The following LRRC17 variants were observed in gnomAD, a reference collection of about 807,000 sequenced individuals.
The protein encoded by LRRC17 is leucine-rich repeat-containing protein 17.
In LRRC17, 33 loss-of-function variants were observed where a neutral mutation model predicts 41.5. The observed-to-expected ratio is 0.80, with a 90% confidence interval of 0.60 to 1.06. LRRC17 has a LOEUF of 1.06. LRRC17 is among the 50% of genes least tolerant of loss of function. The pLI is 0.00. For missense variants in LRRC17, 491 were observed against 519.3 expected (o/e 0.95, Z 0.53); for synonymous variants, 192 against 197.0 (o/e 0.97, Z 0.21).
chr7:102,938,284 A>G (rs1300999525), intron 2 of LRRC17, among the ~76,000 whole-genome samples: 1 of 152,196 alleles, frequency 6.6e-6, no homozygotes, highest in Non-Finnish European at 1.5e-5. Context: ...TACGCAGGTA[A>G]ATTACCCTTA....
chr7:102,920,596 C>T (rs1208986118), intron 1 of LRRC17, among the ~76,000 whole-genome samples: 1 of 152,084 alleles, frequency 6.6e-6, no homozygotes, highest in Non-Finnish European at 1.5e-5. Context: ...AGTAGTCCGC[C>T]CACTTCAGCC....
chr7:102,940,426 G>A (rs1821200279), intron 3 of LRRC17, among the ~76,000 whole-genome samples: 1 of 148,892 alleles, frequency 6.7e-6, no homozygotes, highest in Non-Finnish European at 1.5e-5. Context: ...TAGCCAGGAT[G>A]GTCTCTATCT....
chr7:102,926,340 G>C, intron 1 of LRRC17: 8 of 1,613,816 alleles, frequency 5.0e-6, no homozygotes, highest in Non-Finnish European at 6.8e-6. Context: ...CAGGACCCCC[G>C]GGCAGCCCTC....
intron 1 of LRRC17, among the ~76,000 whole-genome samples, chr7:102,925,883 A>G (rs1818021064): frequency 6.7e-6 from 1 of 150,060 alleles, no homozygotes; most frequent in Non-Finnish European, 1.5e-5. Flanking sequence ...GTAGGTTGCC[A>G]TGAGCTAAGA....
At position 102,934,589 on chromosome 7, in the gene LRRC17, G is replaced by A. The variant is rs746338531; in HGVS notation, c.676G>A (p.Val226Met). The A allele has an allele frequency of 6.2e-7, 1 of 1,614,086 alleles. No individual in the cohort carries two copies. The highest frequency in any genetic ancestry group is 8.5e-7 in the Non-Finnish European group (1 of 1,179,970). ...EKEQLDPKPQ[V>M]SGRPPVIKPE... ...GGAACAATTGGACCCGAAACCCCAA[G>A]TGTCAGGGAGACCCCCAGTCATCAA... Residue 226 changes from valine (V) to methionine (M), a missense_variant, in exon 2 of 4, where the codon GTG (valine) becomes ATG (methionine). Coordinates refer to ENST00000339431, the MANE Select transcript of LRRC17 (RefSeq NM_001031692.3).
chr7:102,922,425 G>C (rs1817230895), intron 1 of LRRC17, among the ~76,000 whole-genome samples: 1 of 151,772 alleles, frequency 6.6e-6, no homozygotes, highest in Non-Finnish European at 1.5e-5. Context: ...TTTAATTATT[G>C]GTTTACTGAT....
At chr7:102,931,777 A>C in intron 1 of LRRC17, 1 of 1,095,006 alleles carries the variant, frequency 9.1e-7, no homozygotes, top group Non-Finnish European at 1.3e-6. Context: ...TCTTTTCCAC[A>C]TTGAATCCCA....
intron 3 of LRRC17, among the ~76,000 whole-genome samples, chr7:102,941,397 A>G (rs745864270): frequency 2.0e-5 from 3 of 152,120 alleles, no homozygotes; most frequent in Non-Finnish European, 4.4e-5. Context: ...AACCTGACCA[A>G]TCAGCACTCC....
intron 1 of LRRC17, among the ~76,000 whole-genome samples, chr7:102,927,305 ATCAG>A (rs1328291054): frequency 2.6e-5 from 4 of 152,334 alleles, no homozygotes; most frequent in African/African-American, 9.6e-5. Flanking sequence ...TTGACGCTAC[ATCAG>A]TCCCAGAAAG....
intron 1 of LRRC17, among the ~76,000 whole-genome samples, chr7:102,923,697 G>A (rs970028626): frequency 6.6e-6 from 1 of 151,976 alleles, no homozygotes; most frequent in African/African-American, 2.4e-5. Context: ...GGTGGCGGGC[G>A]CCTGTAATCC....
At chr7:102,930,159 C>T (rs1818905008) in intron 1 of LRRC17, among the ~76,000 whole-genome samples, 1 of 152,000 alleles carries the variant, frequency 6.6e-6, no homozygotes, top group Non-Finnish European at 1.5e-5. Context: ...AAAGAAAAAA[C>T]TAGAAAGATG....
intron 1 of LRRC17, among the ~76,000 whole-genome samples, chr7:102,916,567 G>C (rs1377641443): frequency 6.6e-6 from 1 of 152,154 alleles, no homozygotes; most frequent in Non-Finnish European, 1.5e-5. Context: ...AGCTGCTAGG[G>C]ACGGGAAAAG....
rs765823015 is a variant in LRRC17 at position 102,934,017 on chromosome 7, C to T, written c.104C>T (p.Ala35Val). ...SVRSRVNHGRAGGGRRGSNPV... is the reference protein window; with the variant it reads ...SVRSRVNHGRVGGGRRGSNPV... ...AGAAGCCGAGTGAATCATGGCCGGG[C>T]GGGTGGAGGCCGGAGAGGCTCCAAC... Residue 35 changes from alanine (A) to valine (V), a missense_variant, in exon 2 of 4, where the codon GCG (alanine) becomes GTG (valine). Coordinates refer to ENST00000339431, the MANE Select transcript of LRRC17 (RefSeq NM_001031692.3). 27 of 1,614,026 alleles carry T rather than the reference C, an allele frequency of 1.7e-5. No individual in the cohort carries two copies. Among genetic ancestry groups the T allele is most frequent in the South Asian group, 8.8e-5 (8 of 91,072 alleles).
intron 1 of LRRC17, among the ~76,000 whole-genome samples, chr7:102,927,326 C>A (rs1818327836): frequency 1.3e-5 from 2 of 152,130 alleles, no homozygotes; most frequent in Non-Finnish European, 2.9e-5. Flanking sequence ...AAAGAATAGA[C>A]CACTGCAGGT....
intron 1 of LRRC17, among the ~76,000 whole-genome samples, chr7:102,918,524 C>G (rs564071959): frequency 6.6e-6 from 1 of 152,224 alleles, no homozygotes; most frequent in Non-Finnish European, 1.5e-5. Flanking sequence ...GTGATATAAA[C>G]TACACCCTGG....
intron 1 of LRRC17, among the ~76,000 whole-genome samples, chr7:102,918,647 C>G (rs1305086790): frequency 6.6e-6 from 1 of 152,100 alleles, no homozygotes; most frequent in Non-Finnish European, 1.5e-5. Context: ...GAGATCTTGT[C>G]TCTACAAAAG....
At position 102,942,367 on chromosome 7, in the gene LRRC17, T is replaced by C. The variant is rs1284396313; in HGVS notation, c.929-1843T>C. 3.3e-6 allele frequency: 5 copies of C among 1,526,104 alleles called. No individual in the cohort carries two copies. The East Asian group carries it at 1.2e-4, about 37-fold the overall frequency. The allele number at this position is 1,526,104 out of a possible 1,614,324, so 94.5% of individuals were successfully genotyped here. Reference sequence around the variant, plus strand: ...GGTAAGTATACAAATGCAGTGGGAGTTGCCAGACTTTAAAAGACGTGAATA... The same window carrying C: ...GGTAAGTATACAAATGCAGTGGGAGCTGCCAGACTTTAAAAGACGTGAATA... On this transcript the variant is annotated intron_variant, in intron 3 of 3. Transcript: ENST00000339431.
intron 2 of LRRC17, among the ~76,000 whole-genome samples, chr7:102,937,902 A>C (rs75911086): frequency 6.6e-6 from 1 of 152,148 alleles, no homozygotes; most frequent in African/African-American, 2.4e-5. Flanking sequence ...AGATTCCCCA[A>C]CTCGGAGTTG....
intron 1 of LRRC17, among the ~76,000 whole-genome samples, chr7:102,917,585 G>A (rs1388734063): frequency 1.3e-5 from 2 of 152,212 alleles, no homozygotes; most frequent in Non-Finnish European, 2.9e-5. Context: ...TATAGAGAAT[G>A]TGAAGCATGC....
Sources: allele counts gnomAD v4.1 joint callset (sites outside exome capture counted in the v4.1 genomes callset), GRCh38; gene constraint gnomAD v4.1.1; transcripts MANE v1.5; gene names NCBI Gene and HGNC (gene_info 2026-07-23, HGNC 2026-07-21).